Variants in PIK3C2G observed in about 807,000 individuals in gnomAD.
PIK3C2G encodes phosphatidylinositol 3-kinase C2 domain-containing subunit gamma.
PIK3C2G carries 168 observed loss-of-function variants against 181.1 expected under a neutral mutation model. The observed-to-expected ratio is 0.93, with a 90% CI of 0.82 to 1.05. The LOEUF is 1.05. Among genes scored for constraint, PIK3C2G ranks in the 50% least tolerant of loss-of-function variants. The pLI is 0.00. For synonymous variants in PIK3C2G, 573 were observed against 592.2 expected (o/e 0.97, Z 0.47); for missense variants, 1,869 against 1,732.8 (o/e 1.08, Z -1.40).
intron 1 of PIK3C2G, among the ~76,000 whole-genome samples, chr12:18,275,237 A>G (rs1280459269): frequency 6.6e-6 from 1 of 152,186 alleles, no homozygotes; most frequent in Non-Finnish European, 1.5e-5. Flanking sequence ...TTTCCTTCCC[A>G]AAAGATTGTA....
intron 11 of PIK3C2G, chr12:18,358,901 A>G (rs1385174123): frequency 1.2e-5 from 2 of 168,196 alleles, no homozygotes; most frequent in Non-Finnish European, 2.5e-5. Flanking sequence ...TCCTCATTCT[A>G]TAAATGTTGG....
At chr12:18,457,296 T>C (rs1037407384) in intron 18 of PIK3C2G, among the ~76,000 whole-genome samples, 1 of 152,200 alleles carries the variant, frequency 6.6e-6, no homozygotes, top group African/African-American at 2.4e-5. Flanking sequence ...ATTACCCCTC[T>C]CTTTCTTTCT....
intron 13 of PIK3C2G, among the ~76,000 whole-genome samples, chr12:18,378,966 A>G (rs1448195383): frequency 6.6e-6 from 1 of 152,190 alleles, no homozygotes; most frequent in Non-Finnish European, 1.5e-5. Flanking sequence ...CGATTCCTCA[A>G]GGATCTAGAA....
In PIK3C2G at chr12:18,521,560, T is replaced by G. The variant is rs904583556; in HGVS notation, c.3323+16099T>G. On this transcript the variant is annotated intron_variant, in intron 24 of 32. Coordinates refer to ENST00000538779, the MANE Select transcript of PIK3C2G (RefSeq NM_001288772.2). ...CTGCCATAGCTTGTGTGTTGGGCTGTGGGGTATACCTCTTGAGACCAAGCT... is the reference window on the plus strand; with the variant it reads ...CTGCCATAGCTTGTGTGTTGGGCTGGGGGGTATACCTCTTGAGACCAAGCT... Among the ~76,000 whole-genome samples the G allele has an allele frequency of 6.6e-5, 10 of 152,260 alleles. No homozygotes were observed. In the South Asian group the frequency reaches 1.2e-3, roughly 19 times the overall value.
intron 18 of PIK3C2G, among the ~76,000 whole-genome samples, chr12:18,474,984 G>C (rs913994925): frequency 1.3e-5 from 2 of 152,096 alleles, no homozygotes; most frequent in Non-Finnish European, 2.9e-5. Context: ...ACAGAGAAGA[G>C]TCTCATTAAG....
rs1275084494 is a variant in PIK3C2G at position 18,559,777 on chromosome 12, TA to T, written c.3591-2925del. On this transcript the variant is annotated intron_variant, in intron 26 of 32. Coordinates refer to ENST00000538779, the MANE Select transcript of PIK3C2G (RefSeq NM_001288772.2). ...TATCTCAGAATGTATTGTATGAAATTATATATATATATATATATATATATAT... is the reference window on the plus strand; with the variant it reads ...TATCTCAGAATGTATTGTATGAAATTTATATATATATATATATATATATAT... Among the ~76,000 whole-genome samples the T allele has an allele frequency of 6.7e-3, 235 of 34,918 alleles. 6 individuals are homozygous for T. The highest frequency in any genetic ancestry group is 9.3e-3 in the Non-Finnish European group (209 of 22,426). 22.9% of individuals were successfully genotyped at this position (34,918 alleles called of 152,430 possible).
intron 31 of PIK3C2G, among the ~76,000 whole-genome samples, chr12:18,632,490 A>G (rs1001389499): frequency 1.3e-5 from 2 of 152,314 alleles, no homozygotes; most frequent in East Asian, 3.9e-4. Flanking sequence ...GAGATATAGA[A>G]AACAGATATG....
intron 18 of PIK3C2G, among the ~76,000 whole-genome samples, chr12:18,446,679 AC>A (rs960885342): frequency 6.6e-6 from 1 of 152,152 alleles, no homozygotes; most frequent in Non-Finnish European, 1.5e-5. Context: ...GCTATAATTA[AC>A]ATAGGAATGA....
At chr12:18,286,023 G>A (rs1949429604) in intron 2 of PIK3C2G, among the ~76,000 whole-genome samples, 1 of 151,854 alleles carries the variant, frequency 6.6e-6, no homozygotes, top group African/African-American at 2.4e-5. Context: ...AAAAATGCTT[G>A]TATGATTATT....
the PIK3C2G span, among the ~76,000 whole-genome samples, chr12:18,724,725 T>C: frequency 3.3e-5 from 5 of 152,176 alleles, no homozygotes; most frequent in Non-Finnish European, 5.9e-5. Context: ...TGGAAGCGGA[T>C]GTTATAGAAT....
intron 29 of PIK3C2G, among the ~76,000 whole-genome samples, chr12:18,585,634 A>T (rs1462039828): frequency 6.6e-6 from 1 of 152,220 alleles, no homozygotes; most frequent in Non-Finnish European, 1.5e-5. Context: ...TACTAGACAG[A>T]TCATTGAGGC....
At chr12:18,535,542 C>T (rs1305879163) in intron 24 of PIK3C2G, among the ~76,000 whole-genome samples, 1 of 151,812 alleles carries the variant, frequency 6.6e-6, no homozygotes, top group Non-Finnish European at 1.5e-5. Flanking sequence ...CAGAAACCTC[C>T]CAAGAGAAAT....
intron 24 of PIK3C2G, among the ~76,000 whole-genome samples, chr12:18,527,589 A>C (rs1413246061): frequency 6.6e-6 from 1 of 152,058 alleles, no homozygotes; most frequent in Non-Finnish European, 1.5e-5. Flanking sequence ...AGACTAGACT[A>C]CTTCTGTTTC....
At chr12:18,621,876 AACACAC>A (rs369704540) in intron 31 of PIK3C2G, among the ~76,000 whole-genome samples, 1 of 151,318 alleles carries the variant, frequency 6.6e-6, no homozygotes, top group African/African-American at 2.4e-5. Flanking sequence ...ATTAACAATC[AACACAC>A]ACACACACGT....
At chr12:18,404,235 G>T (rs1206116497) in intron 16 of PIK3C2G, among the ~76,000 whole-genome samples, 1 of 152,076 alleles carries the variant, frequency 6.6e-6, no homozygotes. Flanking sequence ...AGAAAGAATG[G>T]AATATGGCAT....
intron 25 of PIK3C2G, among the ~76,000 whole-genome samples, chr12:18,540,158 T>C (rs1028785803): frequency 1.6e-4 from 24 of 151,852 alleles, no homozygotes; most frequent in African/African-American, 5.3e-4. Flanking sequence ...AGGCTAGAAA[T>C]TGCAAGGATA....
chr12:18,476,524 T>C (rs1378815552), intron 18 of PIK3C2G, among the ~76,000 whole-genome samples: 2 of 152,062 alleles, frequency 1.3e-5, no homozygotes, highest in East Asian at 3.9e-4. Context: ...GGGAAAAAAT[T>C]CACAGGTAAT....
chr12:18,259,416 C>T (rs1312623126), upstream of PIK3C2G, among the ~76,000 whole-genome samples: 3 of 151,930 alleles, frequency 2.0e-5, no homozygotes, highest in East Asian at 1.9e-4. Context: ...ACTGGCAGAG[C>T]GAGTGTTGAA....
At chr12:18,690,119 G>GA in the PIK3C2G span, among the ~76,000 whole-genome samples, 2 of 152,070 alleles carry the variant, frequency 1.3e-5, no homozygotes, top group Non-Finnish European at 2.9e-5. Flanking sequence ...TTCATAACAG[G>GA]AAAAATAATG....
Sources: gnomAD v4.1 joint callset for allele counts (sites outside exome capture counted in the v4.1 genomes callset) on GRCh38, gnomAD v4.1.1 for gene constraint, MANE v1.5 for transcripts, NCBI Gene and HGNC (gene_info 2026-07-23, HGNC 2026-07-21) for gene names.